Variants in MICB observed in about 807,000 individuals in gnomAD.
MICB encodes MHC class I polypeptide-related sequence B.
A neutral mutation model predicts 34.3 loss-of-function variants in MICB; 27 were observed. That is an observed-to-expected ratio of 0.79 (90% CI 0.58 to 1.08). The LOEUF is 1.08. Ranked by LOEUF, MICB falls within the 50% of genes least tolerant of loss-of-function variation. The probability of loss-of-function intolerance (pLI) is 0.00; values close to 1 mark genes in which losing one functional copy is unlikely to be tolerated. For synonymous variants in MICB, 153 were observed against 187.4 expected (o/e 0.82, Z 1.50); for missense variants, 426 against 483.1 (o/e 0.88, Z 1.11).
chr6:31,510,027 G>A lies in MICB; in HGVS notation c.*118G>A. 3 of 1,271,492 alleles carry A rather than the reference G, an allele frequency of 2.4e-6. No homozygotes were observed. Among genetic ancestry groups the A allele is most frequent in the Non-Finnish European group, 3.2e-6 (3 of 934,386 alleles). 78.8% of individuals were successfully genotyped at this position (1,271,492 alleles called of 1,614,324 possible). A position where few individuals can be genotyped will look rare whatever the true frequency, so the allele number is the denominator to read the frequency against. ...CATCACTTATTTATTGTTGTTGGAT[G>A]CTGCAAAGTGTTAGTAGGTATGAGG... On this transcript the variant is annotated 3_prime_UTR_variant, in exon 6 of 6. Coordinates refer to ENST00000252229, the MANE Select transcript of MICB (RefSeq NM_005931.5).
At chr6:31,506,934 G>C in intron 3 of MICB, 88 bp from the exon 4 acceptor site, 3 of 1,545,000 alleles carry the variant, frequency 1.9e-6, no homozygotes, top group Non-Finnish European at 2.6e-6. Flanking sequence ...TTCAGCCAGA[G>C]TGAGAACAGT....
chr6:31,509,962 C>T lies in MICB; in HGVS notation c.*53C>T. The stretch of plus-strand genomic sequence containing the variant: ...ACTCCCTGCCTGGATCTCACCAGCA[C>T]TTTCCCTCTGTTTCCTGACCTATGA... On this transcript the variant is annotated 3_prime_UTR_variant, in exon 6 of 6. Transcript: ENST00000252229. 1 of 1,516,848 alleles carries T rather than the reference C, an allele frequency of 6.6e-7. No individual in the cohort carries two copies. Among genetic ancestry groups the T allele is most frequent in the Non-Finnish European group, 8.8e-7 (1 of 1,132,690 alleles). The allele number at this position is 1,516,848 out of a possible 1,614,324, so 94.0% of individuals were successfully genotyped here. A position where few individuals can be genotyped will look rare whatever the true frequency, so the allele number is the denominator to read the frequency against.
chr6:31,506,241 T>C lies in MICB; in HGVS notation c.424T>C (p.Ser142Pro). The change falls in exon 3 of 6, where the codon TCC becomes CCC. Residue 142 changes from serine (S) to proline (P), a missense_variant. Physicochemically the swap from Ser to Pro is moderately conservative, Grantham distance 74. Coordinates refer to ENST00000252229, the MANE Select transcript of MICB (RefSeq NM_005931.5). ...HFYYDGELFL[S>P]QNLETQESTV... ...CTACTACGATGGGGAGCTCTTCCTC[T>C]CCCAAAACCTGGAGACTCAAGAATC... 1 of 1,614,108 alleles carries C rather than the reference T, an allele frequency of 6.2e-7. No homozygotes were observed. Among genetic ancestry groups the C allele is most frequent in the Non-Finnish European group, 8.5e-7 (1 of 1,180,022 alleles).
chr6:31,496,383 T>TTC (rs1554258048), upstream of MICB, among the ~76,000 whole-genome samples: 1,207 of 102,454 alleles, frequency 0.012, 8 homozygotes, highest in Middle Eastern at 0.092. Context: ...TTTTTTTTTT[T>TTC]TGAGGCGGAG....
intron 2 of MICB, 56 bp downstream of exon 2, chr6:31,505,927 C>T (rs1458194520): frequency 6.5e-7 from 1 of 1,535,594 alleles, no homozygotes; most frequent in Non-Finnish European, 8.8e-7. Context: ...AAGTTGGAGA[C>T]AGAGAGCAGG....
At chr6:31,496,962 G>A (rs3828903), upstream of MICB, among the ~76,000 whole-genome samples, 51,405 of 151,988 alleles carry the variant, frequency 0.34, 8,836 homozygotes, top group East Asian at 0.46. Context: ...AGAGAAATGG[G>A]GGTGGTGCCA....
In MICB at chr6:31,506,350, C is replaced by T; in HGVS notation, c.533C>T (p.Thr178Ile). 6.2e-7 allele frequency: 1 copy of T among 1,614,218 alleles called. No homozygotes were observed. The highest frequency in any genetic ancestry group is 8.5e-7 in the Non-Finnish European group (1 of 1,180,034). ...FWKEDAMKTKTHYRAMQADCL... is the reference protein window; with the variant it reads ...FWKEDAMKTKIHYRAMQADCL... ...AAGGAAGATGCCATGAAGACCAAGA[C>T]ACACTATCGCGCTATGCAGGCAGAC... The change falls in exon 3 of 6, where the codon ACA (threonine) becomes ATA (isoleucine). Residue 178 changes from threonine to isoleucine, a missense_variant. Coordinates refer to ENST00000252229, the MANE Select transcript of MICB (RefSeq NM_005931.5).
At chr6:31,500,312 G>A (rs1764950741) in intron 1 of MICB, among the ~76,000 whole-genome samples, 1 of 151,070 alleles carries the variant, frequency 6.6e-6, no homozygotes, top group Non-Finnish European at 1.5e-5. Context: ...TTTAACTTTT[G>A]TTTGGGTACG....
chr6:31,499,225 C>CG (rs1212073381), intron 1 of MICB, among the ~76,000 whole-genome samples: 2 of 151,994 alleles, frequency 1.3e-5, no homozygotes, highest in African/African-American at 4.8e-5. Flanking sequence ...CCTCCGGCTC[C>CG]GGGGGTCCTC....
chr6:31,506,647 C>A (rs546665567), intron 3 of MICB, among the ~76,000 whole-genome samples: 1 of 152,160 alleles, frequency 6.6e-6, no homozygotes, highest in African/African-American at 2.4e-5. Flanking sequence ...AAGCAGTGGG[C>A]CCTCTGACAG....
At chr6:31,497,340 A>G (rs1764721318), upstream of MICB, among the ~76,000 whole-genome samples, 1 of 151,982 alleles carries the variant, frequency 6.6e-6, no homozygotes, top group African/African-American at 2.4e-5. Flanking sequence ...GAAGGGGACT[A>G]TGGTCCCAGA....
At chr6:31,498,342 C>A (rs1248079248) in intron 1 of MICB, 79 bp downstream of exon 1, 5 of 1,216,918 alleles carry the variant, frequency 4.1e-6, no homozygotes, top group Non-Finnish European at 5.5e-6. Flanking sequence ...TTGCCGCGAG[C>A]GCTGTGCGGT....
In MICB at chr6:31,504,059, T is replaced by A. The variant is rs375537742; in HGVS notation, c.71-1558T>A. Among the ~76,000 whole-genome samples the A allele has an allele frequency of 5.1e-4, 78 of 151,744 alleles. No homozygotes were observed. In the South Asian group the frequency reaches 0.014, roughly 28 times the overall value. Reference sequence around the variant, plus strand: ...GGATTTGCATTTTCCTAATGAGTACTGATATTGAGCATCTTTTCATGTGTT... The same window carrying A: ...GGATTTGCATTTTCCTAATGAGTACAGATATTGAGCATCTTTTCATGTGTT... On this transcript the variant is annotated intron_variant, in intron 1 of 5. Coordinates refer to ENST00000252229, the MANE Select transcript of MICB (RefSeq NM_005931.5).
chr6:31,508,642 A>T (rs1331235213), intron 5 of MICB, among the ~76,000 whole-genome samples: 4 of 152,186 alleles, frequency 2.6e-5, no homozygotes, highest in Admixed American at 1.3e-4. Flanking sequence ...CCGTGGAGGG[A>T]TTGTCACTTC....
Position 31,505,692 on chromosome 6 carries a change from G to T in MICB, c.146G>T (p.Gly49Val). Reference protein sequence around the residue: ...GSVQSGFLAEGHLDGQPFLRY... With the variant: ...GSVQSGFLAEVHLDGQPFLRY... ...GTGCAGTCAGGGTTTCTCGCTGAGG[G>T]ACATCTGGATGGTCAGCCCTTCCTG... The change falls in exon 2 of 6, where the codon GGA becomes GTA. Residue 49 changes from glycine (G) to valine (V), a missense_variant. Transcript: ENST00000252229. The T allele has an allele frequency of 3.1e-6, 5 of 1,613,066 alleles. No individual in the cohort carries two copies. In the South Asian group the frequency reaches 3.3e-5, roughly 11 times the overall value.
Position 31,510,962 on chromosome 6 carries a change from A to G in MICB, c.*1053A>G, listed in dbSNP as rs1765635551. On this transcript the variant is annotated 3_prime_UTR_variant, in exon 6 of 6. Transcript: ENST00000252229. ...GCAGTAATTAGATTATCATGGGTGA[A>G]CTTTATGAGTGAGTATCTTGGTGAT... 6.6e-6 allele frequency: 1 copy of G among 152,124 alleles called. No individual in the cohort carries two copies. The highest frequency in any genetic ancestry group is 2.4e-5 in the African/African-American group (1 of 41,400). The allele number at this position is 152,124 out of a possible 1,614,324, so 9.4% of individuals were successfully genotyped here.
rs1765433335 is a variant in MICB, at chr6:31,507,660, T to C, written c.1024+129T>C. The C allele has an allele frequency of 8.6e-6, 10 of 1,164,656 alleles. No individual in the cohort carries two copies. The highest frequency in any genetic ancestry group is 1.2e-5 in the Non-Finnish European group (10 of 812,196). The allele number at this position is 1,164,656 out of a possible 1,614,324, so 72.1% of individuals were successfully genotyped here. A position where few individuals can be genotyped will look rare whatever the true frequency, so the allele number is the denominator to read the frequency against. Reference sequence around the variant, plus strand: ...GGACAGGGGATGGAAGCTGGGGTATTTGGGAGGGGAATGGGAGCTGCATCT... The same window carrying C: ...GGACAGGGGATGGAAGCTGGGGTATCTGGGAGGGGAATGGGAGCTGCATCT... On this transcript the variant is annotated intron_variant, in intron 5 of 5. Transcript: ENST00000252229. The surrounding 1 kb of genome is among the most constrained non-coding windows in gnomAD (Gnocchi z 6.0).
chr6:31,498,091 T>C, upstream of MICB: 1 of 913,484 alleles, frequency 1.1e-6, no homozygotes, highest in Non-Finnish European at 1.6e-6. Context: ...GGATAAGCGG[T>C]CGCTGAGCGG....
At chr6:31,500,694 T>C (rs1764970261) in intron 1 of MICB, among the ~76,000 whole-genome samples, 2 of 152,232 alleles carry the variant, frequency 1.3e-5, no homozygotes, top group Admixed American at 6.5e-5. Flanking sequence ...AGTGAGAACA[T>C]GCGAAGTTTG....
Sources: allele counts gnomAD v4.1 joint callset (sites outside exome capture counted in the v4.1 genomes callset), GRCh38; gene constraint gnomAD v4.1.1; non-coding constraint Gnocchi (gnomAD v3.1); transcripts MANE v1.5; gene names NCBI Gene and HGNC (gene_info 2026-07-23, HGNC 2026-07-21).